The following CSMD1 variants were observed in gnomAD, a reference collection of about 807,000 sequenced individuals.
CSMD1 encodes the protein CUB and sushi domain-containing protein 1.
A neutral mutation model predicts 417.5 loss-of-function variants in CSMD1; 213 were observed. That is an observed-to-expected ratio of 0.51 (90% CI 0.46 to 0.57). The LOEUF (loss-of-function observed/expected upper bound fraction) is 0.57, where lower values mean the gene tolerates loss of function less well. Among genes scored for constraint, CSMD1 ranks in the 20% least tolerant of loss-of-function variants. The pLI, the probability that CSMD1 is intolerant of heterozygous loss-of-function variation, is 0.00. For missense variants in CSMD1, 6,923 were observed against 4,529.7 expected, an observed-to-expected ratio of 1.53 and a Z score of -15.17; for synonymous variants, 2,862 against 1,736.8, an observed-to-expected ratio of 1.65 and a Z score of -16.11.
At position 2,945,135 on chromosome 8, in the gene CSMD1, T is replaced by C. The variant is rs114992415; in HGVS notation, c.10403-2531A>G. Reference sequence around the variant, plus strand: ...CATAAAGGGATATGAAAACAAATAATATAAAGGAAAATTAAAATAATCATT... The same window carrying C: ...CATAAAGGGATATGAAAACAAATAACATAAAGGAAAATTAAAATAATCATT... On this transcript the variant is annotated intron_variant, in intron 68 of 69. Coordinates refer to ENST00000635120, the MANE Select transcript of CSMD1 (RefSeq NM_033225.6). Among the ~76,000 whole-genome samples the C allele has an allele frequency of 7.2e-3, 1,090 of 152,306 alleles. 14 individuals are homozygous for C. Among genetic ancestry groups the C allele is most frequent in the African/African-American group, 0.025 (1,020 of 41,556 alleles).
intron 6 of CSMD1, among the ~76,000 whole-genome samples, chr8:3,714,724 G>T (rs367693575): frequency 1.3e-5 from 2 of 152,140 alleles, no homozygotes; most frequent in African/African-American, 4.8e-5. Context: ...GCCACACAGT[G>T]AGACCCTTTA....
intron 52 of CSMD1, among the ~76,000 whole-genome samples, chr8:3,015,396 C>T (rs764864385): frequency 2.1e-4 from 32 of 151,884 alleles, no homozygotes; most frequent in Non-Finnish European, 3.5e-4. Context: ...GGATGATTTG[C>T]TTTTTAAAGT....
intron 1 of CSMD1, among the ~76,000 whole-genome samples, chr8:4,709,223 A>T (rs1363843369): frequency 6.6e-6 from 1 of 152,170 alleles, no homozygotes; most frequent in Non-Finnish European, 1.5e-5. Flanking sequence ...GGTAGAAGGA[A>T]CCAGGCTACT....
rs182563790 is a variant in CSMD1 at position 4,971,002 on chromosome 8, T to A, written c.85+23330A>T. Among the ~76,000 whole-genome samples the A allele has an allele frequency of 3.2e-3, 482 of 152,224 alleles. 1 individual carries two copies. Among genetic ancestry groups the A allele is most frequent in the African/African-American group, 0.011 (454 of 41,566 alleles). On this transcript the variant is annotated intron_variant, in intron 1 of 69. Transcript: ENST00000635120. ...TAAGAGTGTTATTTATGGTCCTTTG[T>A]AGAGAAAAATCTAGTTATTCCAGGG...
At chr8:4,022,632 G>A (rs887358893) in intron 4 of CSMD1, among the ~76,000 whole-genome samples, 4 of 152,124 alleles carry the variant, frequency 2.6e-5, no homozygotes, top group Admixed American at 6.5e-5. Context: ...AACCATTCTG[G>A]AACCCTCTGG....
chr8:3,771,475 A>T (rs1228579212), intron 5 of CSMD1, among the ~76,000 whole-genome samples: 1 of 152,190 alleles, frequency 6.6e-6, no homozygotes, highest in East Asian at 1.9e-4. Context: ...AAGCAGGGCC[A>T]GGCCAATTCT....
At chr8:4,400,014 T>C (rs1257632579) in intron 3 of CSMD1, among the ~76,000 whole-genome samples, 1 of 152,082 alleles carries the variant, frequency 6.6e-6, no homozygotes, top group Non-Finnish European at 1.5e-5. Context: ...TCCCACACCA[T>C]CTAGTGGAGG....
At chr8:4,238,710 G>A (rs1376810209) in intron 3 of CSMD1, among the ~76,000 whole-genome samples, 1 of 152,142 alleles carries the variant, frequency 6.6e-6, no homozygotes, top group African/African-American at 2.4e-5. Context: ...GCTGTTTGGG[G>A]CAGGTCAATA....
At chr8:4,170,619 G>T (rs1258077557) in intron 3 of CSMD1, among the ~76,000 whole-genome samples, 1 of 151,750 alleles carries the variant, frequency 6.6e-6, no homozygotes, top group Non-Finnish European at 1.5e-5. Context: ...CATGAATTCT[G>T]GGTGGAAAAC....
chr8:3,529,876 A>T (rs1210829960), intron 10 of CSMD1, among the ~76,000 whole-genome samples: 3 of 152,184 alleles, frequency 2.0e-5, no homozygotes. Flanking sequence ...GCAAGAGAGA[A>T]GCAGGGCAAG....
intron 1 of CSMD1, among the ~76,000 whole-genome samples, chr8:4,863,619 C>T (rs1478301164): frequency 6.6e-6 from 1 of 151,998 alleles, no homozygotes; most frequent in African/African-American, 2.4e-5. Context: ...ACAACACTCC[C>T]ACCTCTCCAT....
chr8:3,462,502 C>A (rs904871109), intron 12 of CSMD1, among the ~76,000 whole-genome samples: 1 of 152,072 alleles, frequency 6.6e-6, no homozygotes, highest in Non-Finnish European at 1.5e-5. Flanking sequence ...ACTGCACATG[C>A]GAGGGATCTA....
At chr8:4,747,980 G>T (rs1268042250) in intron 1 of CSMD1, among the ~76,000 whole-genome samples, 1 of 152,094 alleles carries the variant, frequency 6.6e-6, no homozygotes, top group African/African-American at 2.4e-5. Flanking sequence ...ACCGTATATT[G>T]GCTCTGCTGA....
chr8:4,679,817 A>G (rs978266423), intron 1 of CSMD1, among the ~76,000 whole-genome samples: 9 of 152,016 alleles, frequency 5.9e-5, no homozygotes, highest in African/African-American at 2.2e-4. Flanking sequence ...ATTATTTTAA[A>G]TGTTTATTTA....
At chr8:4,019,971 C>A (rs936383396) in intron 4 of CSMD1, among the ~76,000 whole-genome samples, 5 of 150,460 alleles carry the variant, frequency 3.3e-5, no homozygotes, top group African/African-American at 1.2e-4. Flanking sequence ...GATCCTGTAG[C>A]TTACATGAAT....
intron 1 of CSMD1, among the ~76,000 whole-genome samples, chr8:4,851,425 C>T (rs551135274): frequency 3.9e-5 from 6 of 151,960 alleles, no homozygotes; most frequent in African/African-American, 1.2e-4. Flanking sequence ...GCATCTTCTT[C>T]GTCAATTTCT....
chr8:4,890,964 T>C (rs1804080773), intron 1 of CSMD1, among the ~76,000 whole-genome samples: 2 of 152,042 alleles, frequency 1.3e-5, no homozygotes, highest in Admixed American at 1.3e-4. Flanking sequence ...GTATTGGTGG[T>C]GTTTGATTTC....
chr8:4,387,695 C>A (rs1272220785), intron 3 of CSMD1, among the ~76,000 whole-genome samples: 1 of 151,326 alleles, frequency 6.6e-6, no homozygotes, highest in Non-Finnish European at 1.5e-5. Context: ...AAAGAGACAG[C>A]CTTGAGGCAA....
At chr8:4,483,049 T>G (rs1344959129) in intron 2 of CSMD1, among the ~76,000 whole-genome samples, 1 of 152,142 alleles carries the variant, frequency 6.6e-6, no homozygotes. Flanking sequence ...TCATCTTGGA[T>G]TGGACTCCCA....
Sources: gnomAD v4.1 joint callset for allele counts (sites outside exome capture counted in the v4.1 genomes callset) on GRCh38, gnomAD v4.1.1 for gene constraint, MANE v1.5 for transcripts, NCBI Gene and HGNC (gene_info 2026-07-23, HGNC 2026-07-21) for gene names.